The following GALNT13 variants were observed in gnomAD, a reference collection of about 807,000 sequenced individuals.
The protein encoded by GALNT13 is UDP-GalNAc:polypeptide N-acetylgalactosaminyltransferase 13.
In GALNT13, 28 loss-of-function variants were observed where a neutral mutation model predicts 64.2. The observed-to-expected ratio is 0.44, with a 90% CI of 0.32 to 0.60. The LOEUF (loss-of-function observed/expected upper bound fraction) is 0.60. Among genes scored for constraint, GALNT13 ranks in the 20% least tolerant of loss-of-function variants. GALNT13 has a pLI of 0.05. For missense variants in GALNT13, 577 were observed against 669.8 expected (o/e 0.86, Z 1.53); for synonymous variants, 214 against 224.6 (o/e 0.95, Z 0.42).
intron 10 of GALNT13, among the ~76,000 whole-genome samples, chr2:154,407,728 G>T (rs775698657): frequency 6.6e-6 from 1 of 151,850 alleles, no homozygotes; most frequent in Non-Finnish European, 1.5e-5. Context: ...CTAAATCTCA[G>T]CCCCTTGAAA....
chr2:153,339,801 A>C, the GALNT13 span, among the ~76,000 whole-genome samples: 3 of 152,090 alleles, frequency 2.0e-5, no homozygotes, highest in African/African-American at 7.2e-5. Flanking sequence ...TAAGGGTCTA[A>C]TTTTATTTTT....
chr2:153,329,573 T>C, the GALNT13 span, among the ~76,000 whole-genome samples: 7 of 152,250 alleles, frequency 4.6e-5, no homozygotes, highest in African/African-American at 1.7e-4. Flanking sequence ...CTTGTGTGCC[T>C]TCTTTTGAGA....
intron 3 of GALNT13, among the ~76,000 whole-genome samples, chr2:154,079,504 A>C (rs1372904393): frequency 6.6e-6 from 1 of 151,638 alleles, no homozygotes; most frequent in Non-Finnish European, 1.5e-5. Context: ...GAAACAAAGG[A>C]AAGTACTCTT....
At chr2:154,044,913 G>T (rs1699201509) in intron 3 of GALNT13, among the ~76,000 whole-genome samples, 1 of 152,134 alleles carries the variant, frequency 6.6e-6, no homozygotes, top group African/African-American at 2.4e-5. Context: ...TCCAGCCTTG[G>T]TGTTACCCAT....
the GALNT13 span, among the ~76,000 whole-genome samples, chr2:153,121,210 T>G: frequency 6.6e-6 from 1 of 152,190 alleles, no homozygotes; most frequent in African/African-American, 2.4e-5. Context: ...CCCCTGACAT[T>G]TGTAGATTGT....
At chr2:153,181,030 C>CTTTTTTTTTTTTTT in the GALNT13 span, among the ~76,000 whole-genome samples, 72 of 32,062 alleles carry the variant, frequency 2.2e-3, 3 homozygotes, top group Admixed American at 3.2e-3. Context: ...TTTATTGTTT[C>CTTTTTTTTTTTTTT]TTTTTTTTTT....
the GALNT13 span, among the ~76,000 whole-genome samples, chr2:153,473,770 G>C: frequency 6.6e-6 from 1 of 152,210 alleles, no homozygotes; most frequent in African/African-American, 2.4e-5. Flanking sequence ...TAAACTGCAT[G>C]TGGAACAGGT....
chr2:154,267,930 G>A (rs919735755), intron 8 of GALNT13, among the ~76,000 whole-genome samples: 2 of 152,144 alleles, frequency 1.3e-5, no homozygotes, highest in Non-Finnish European at 2.9e-5. Context: ...AAACCACAAT[G>A]AGATTACACT....
chr2:154,385,879 A>T (rs1431237136), intron 9 of GALNT13, among the ~76,000 whole-genome samples: 2 of 152,070 alleles, frequency 1.3e-5, no homozygotes, highest in Non-Finnish European at 2.9e-5. Context: ...TGTCAGATAT[A>T]GGAAGTCAGT....
intron 8 of GALNT13, among the ~76,000 whole-genome samples, chr2:154,299,029 C>G (rs1387157114): frequency 7.0e-6 from 1 of 143,756 alleles, no homozygotes; most frequent in Non-Finnish European, 1.5e-5. Flanking sequence ...ATTACAGATA[C>G]AAATATATTA....
the GALNT13 span, among the ~76,000 whole-genome samples, chr2:153,826,050 C>A: frequency 6.6e-6 from 1 of 152,134 alleles, no homozygotes; most frequent in African/African-American, 2.4e-5. Flanking sequence ...CCATCTCTTT[C>A]ATTAGTGTAC....
At chr2:153,765,672 G>A in the GALNT13 span, among the ~76,000 whole-genome samples, 2 of 152,084 alleles carry the variant, frequency 1.3e-5, no homozygotes, top group Non-Finnish European at 1.5e-5. Context: ...AATGTGAAAA[G>A]GGACATGAAA....
intron 2 of GALNT13, among the ~76,000 whole-genome samples, chr2:153,926,855 T>G (rs974332741): frequency 6.6e-6 from 1 of 152,148 alleles, no homozygotes; most frequent in African/African-American, 2.4e-5. Context: ...TCTTCCTCAT[T>G]ATTCAGATAA....
the GALNT13 span, among the ~76,000 whole-genome samples, chr2:153,577,451 A>G: frequency 6.6e-6 from 1 of 152,114 alleles, no homozygotes; most frequent in East Asian, 1.9e-4. Context: ...TTGCCTTTCT[A>G]GCTCACAGAA....
At chr2:153,656,339 T>TGTGTGCGCGC in the GALNT13 span, among the ~76,000 whole-genome samples, 1 of 141,474 alleles carries the variant, frequency 7.1e-6, no homozygotes, top group African/African-American at 2.5e-5. Context: ...TGTGTGTGTG[T>TGTGTGCGCGC]GCGCGCGCAC....
intron 4 of GALNT13, among the ~76,000 whole-genome samples, chr2:154,197,522 A>G (rs555820964): frequency 1.2e-3 from 180 of 152,238 alleles, no homozygotes; most frequent in African/African-American, 4.3e-3. Flanking sequence ...CGTGATACAC[A>G]TAGTCAATTC....
chr2:154,099,608 G>A (rs541489888), intron 3 of GALNT13, among the ~76,000 whole-genome samples: 134 of 152,050 alleles, frequency 8.8e-4, no homozygotes, highest in Non-Finnish European at 1.3e-3. Flanking sequence ...GAGTAACAGG[G>A]GTCAACTTTT....
chr2:153,674,717 A>G, the GALNT13 span, among the ~76,000 whole-genome samples: 1 of 152,184 alleles, frequency 6.6e-6, no homozygotes, highest in Non-Finnish European at 1.5e-5. Context: ...AATTAAACTA[A>G]AGAGCTTCTG....
the GALNT13 span, among the ~76,000 whole-genome samples, chr2:153,785,100 G>A: frequency 1.3e-5 from 2 of 152,364 alleles, no homozygotes; most frequent in Non-Finnish European, 2.9e-5. Context: ...GGAGCTCCCA[G>A]AGAGAGTGGC....
Sources: gnomAD v4.1 joint callset for allele counts (sites outside exome capture counted in the v4.1 genomes callset) on GRCh38, gnomAD v4.1.1 for gene constraint, MANE v1.5 for transcripts, NCBI Gene and HGNC (gene_info 2026-07-23, HGNC 2026-07-21) for gene names.